The following DAB1 variants were observed in gnomAD, a reference collection of about 807,000 sequenced individuals.
The protein encoded by DAB1 is disabled homolog 1.
A neutral mutation model predicts 64.6 loss-of-function variants in DAB1; 15 were observed. That is an observed-to-expected ratio of 0.23 (90% CI 0.16 to 0.36). DAB1 has a LOEUF of 0.36. DAB1 is among the 10% of genes least tolerant of loss of function. The pLI is 1.00. For synonymous variants in DAB1, 235 were observed against 251.9 expected, an observed-to-expected ratio of 0.93 and a Z score of 0.64; for missense variants, 596 against 706.7, an observed-to-expected ratio of 0.84 and a Z score of 1.78.
chr1:58,157,426 C>A (rs1296166058), intron 4 of DAB1, among the ~76,000 whole-genome samples: 1 of 152,094 alleles, frequency 6.6e-6, no homozygotes, highest in Non-Finnish European at 1.5e-5. Flanking sequence ...CTGAGGCCAG[C>A]GTGAGGAAAT....
intron 6 of DAB1, among the ~76,000 whole-genome samples, chr1:57,662,551 C>A (rs547660345): frequency 6.6e-6 from 1 of 152,334 alleles, no homozygotes; most frequent in Non-Finnish European, 1.5e-5. Context: ...GACAATGAGA[C>A]AACCACTTTT....
intron 7 of DAB1, among the ~76,000 whole-genome samples, chr1:57,611,375 T>C (rs1467057640): frequency 6.6e-6 from 1 of 152,136 alleles, no homozygotes; most frequent in Non-Finnish European, 1.5e-5. Context: ...GATTCCACAG[T>C]ACCAGCATTT....
chr1:57,835,009 T>G (rs1442135167), intron 1 of DAB1, among the ~76,000 whole-genome samples: 1 of 152,186 alleles, frequency 6.6e-6, no homozygotes, highest in Non-Finnish European at 1.5e-5. Context: ...AAGCAGAAGT[T>G]CGTGCTCAAT....
At chr1:57,962,563 A>G (rs1235601525) in intron 5 of DAB1, among the ~76,000 whole-genome samples, 1 of 152,202 alleles carries the variant, frequency 6.6e-6, no homozygotes. Flanking sequence ...AGAAAATGGA[A>G]TAATACATTT....
At chr1:57,296,513 G>C (rs1229679075) in intron 1 of DAB1, among the ~76,000 whole-genome samples, 1 of 152,052 alleles carries the variant, frequency 6.6e-6, no homozygotes, top group African/African-American at 2.4e-5. Flanking sequence ...AAATGAGCCT[G>C]AAATATCTTG....
intron 6 of DAB1, among the ~76,000 whole-genome samples, chr1:57,747,063 C>T (rs1648309731): frequency 6.6e-6 from 1 of 152,054 alleles, no homozygotes. Flanking sequence ...ATTTACCAGT[C>T]TTATCCTTTA....
intron 4 of DAB1, among the ~76,000 whole-genome samples, chr1:58,259,435 CATG>C (rs1557717175): frequency 6.6e-6 from 1 of 152,204 alleles, no homozygotes. Flanking sequence ...GGAAGATTCC[CATG>C]ATGCCTGAGC....
intron 1 of DAB1, among the ~76,000 whole-genome samples, chr1:57,411,531 T>C (rs913042107): frequency 1.3e-5 from 2 of 152,244 alleles, no homozygotes; most frequent in African/African-American, 4.8e-5. Flanking sequence ...CCCCAGCACC[T>C]GTTATTCACA....
chr1:58,160,125 G>T (rs1327216006), intron 4 of DAB1, among the ~76,000 whole-genome samples: 1 of 152,156 alleles, frequency 6.6e-6, no homozygotes. Flanking sequence ...GAGGGTCTGT[G>T]GTTTGAGGTA....
intron 2 of DAB1, among the ~76,000 whole-genome samples, chr1:57,234,388 C>A (rs997177521): frequency 6.6e-6 from 1 of 151,742 alleles, no homozygotes; most frequent in Non-Finnish European, 1.5e-5. Flanking sequence ...CCTTTTGGAG[C>A]CTTAATTTCC....
At chr1:57,734,869 A>G (rs72664610) in intron 6 of DAB1, among the ~76,000 whole-genome samples, 6,489 of 152,326 alleles carry the variant, frequency 0.043, 183 homozygotes, top group Non-Finnish European at 0.064. Flanking sequence ...TTTAAAACAT[A>G]ATTATAATAA....
chr1:58,373,169 C>CTTTTTTTTTTT (rs201654648), intron 3 of DAB1, among the ~76,000 whole-genome samples: 1 of 138,710 alleles, frequency 7.2e-6, no homozygotes, highest in African/African-American at 2.6e-5. Flanking sequence ...TTACTATTTT[C>CTTTTTTTTTTT]TTTTTTTTTT....
intron 5 of DAB1, among the ~76,000 whole-genome samples, chr1:57,907,860 TGTGTATATATATATA>T (rs1644577283): frequency 7.1e-6 from 1 of 140,748 alleles, no homozygotes; most frequent in Admixed American, 7.5e-5. Flanking sequence ...CTAGAAGGTA[TGTGTATATATATATA>T]TACACATACA....
intron 5 of DAB1, among the ~76,000 whole-genome samples, chr1:57,976,220 A>G (rs1428558564): frequency 1.3e-5 from 2 of 152,146 alleles, no homozygotes; most frequent in Non-Finnish European, 2.9e-5. Flanking sequence ...GAACTAGCCC[A>G]TCTCCCTTCC....
intron 7 of DAB1, among the ~76,000 whole-genome samples, chr1:57,493,762 G>GCA (rs1414667024): frequency 6.7e-6 from 1 of 150,094 alleles, no homozygotes. Flanking sequence ...CGTATTCACA[G>GCA]CTCACACACA....
intron 7 of DAB1, among the ~76,000 whole-genome samples, chr1:57,558,913 G>C (rs1331944147): frequency 6.6e-6 from 1 of 152,188 alleles, no homozygotes; most frequent in Non-Finnish European, 1.5e-5. Context: ...CTTGACCAAT[G>C]CCTTGTGAAA....
chr1:57,889,813 G>A (rs148904570), intron 5 of DAB1, among the ~76,000 whole-genome samples: 3 of 146,218 alleles, frequency 2.1e-5, no homozygotes, highest in Non-Finnish European at 4.5e-5. Context: ...CCCCAACCTA[G>A]TGAATCACAG....
intron 4 of DAB1, among the ~76,000 whole-genome samples, chr1:58,323,697 G>A (rs1048318350): frequency 6.6e-5 from 10 of 152,016 alleles, no homozygotes; most frequent in South Asian, 6.3e-4. Flanking sequence ...AGGTGGCGGC[G>A]GGCAGATCAT....
At chr1:58,174,111 A>G (rs1656326840) in intron 4 of DAB1, among the ~76,000 whole-genome samples, 1 of 152,302 alleles carries the variant, frequency 6.6e-6, no homozygotes, top group East Asian at 1.9e-4. Flanking sequence ...CACTGCTGAG[A>G]AAGGAGGACT....
Sources: allele counts gnomAD v4.1 joint callset (sites outside exome capture counted in the v4.1 genomes callset), GRCh38; gene constraint gnomAD v4.1.1; transcripts MANE v1.5; gene names NCBI Gene and HGNC (gene_info 2026-07-23, HGNC 2026-07-21).